The following ADD3 variants were observed in gnomAD, a reference collection of about 807,000 sequenced individuals.
ADD3 encodes the protein adducin 3.
ADD3 carries 25 observed loss-of-function variants against 80.2 expected under a neutral mutation model. The observed-to-expected ratio is 0.31, with a 90% CI of 0.23 to 0.44. ADD3 has a LOEUF of 0.44. ADD3 is among the 20% of genes least tolerant of loss of function. The pLI is 1.00. For missense variants in ADD3, 829 were observed against 847.5 expected, an observed-to-expected ratio of 0.98 and a Z score of 0.27; for synonymous variants, 284 against 289.6, an observed-to-expected ratio of 0.98 and a Z score of 0.20.
intron 1 of ADD3, among the ~76,000 whole-genome samples, chr10:109,997,093 G>A (rs1253111213): frequency 6.6e-6 from 1 of 152,218 alleles, no homozygotes; most frequent in African/African-American, 2.4e-5. Flanking sequence ...AGAGCTCACA[G>A]AATTGAAGAG....
chr10:110,094,855 G>T (rs747918480), intron 1 of ADD3, among the ~76,000 whole-genome samples: 5 of 152,156 alleles, frequency 3.3e-5, no homozygotes, highest in Non-Finnish European at 7.4e-5. Flanking sequence ...AACCAAATAT[G>T]CTGCTTTGCG....
chr10:110,102,793 C>T (rs1052592174), intron 2 of ADD3, among the ~76,000 whole-genome samples: 1 of 152,120 alleles, frequency 6.6e-6, no homozygotes, highest in Non-Finnish European at 1.5e-5. Flanking sequence ...TACTAAACTC[C>T]ATTTTTATGC....
chr10:110,109,856 A>G (rs1403949166), intron 2 of ADD3, among the ~76,000 whole-genome samples: 1 of 152,086 alleles, frequency 6.6e-6, no homozygotes, highest in Non-Finnish European at 1.5e-5. Flanking sequence ...GCTCTCAGCC[A>G]TCTTATCTTC....
At chr10:110,010,442 G>A (rs1381820874) in intron 1 of ADD3, among the ~76,000 whole-genome samples, 2 of 152,184 alleles carry the variant, frequency 1.3e-5, no homozygotes, top group African/African-American at 4.8e-5. Context: ...AGCGTGTTGG[G>A]GAACAGTCAC....
At chr10:110,080,215 G>A (rs1044204484) in intron 1 of ADD3, among the ~76,000 whole-genome samples, 1 of 152,168 alleles carries the variant, frequency 6.6e-6, no homozygotes, top group Non-Finnish European at 1.5e-5. Context: ...GTTCAAAGTC[G>A]GGTAACTTGG....
At position 110,133,576 on chromosome 10, in the gene ADD3, T is replaced by G; in HGVS notation, c.2079T>G (p.Ser693=). Residue 693 remains serine (S), a synonymous_variant, in exon 15 of 15, where the codon TCT becomes TCG. Coordinates refer to ENST00000356080, the MANE Select transcript of ADD3 (RefSeq NM_016824.5). Reference sequence around the variant, plus strand: ...AAAAGAAGAAATTCCGCACTCCTTCTTTTCTGAAAAAGAACAAAAAAAAGG... The same window carrying G: ...AAAAGAAGAAATTCCGCACTCCTTCGTTTCTGAAAAAGAACAAAAAAAAGG... ...SKKKKKFRTP[S]FLKKNKKKEK... is the part of the protein sequence containing the mutation. The G allele has an allele frequency of 6.3e-7, 1 of 1,597,820 alleles. No homozygotes were observed. Among genetic ancestry groups the G allele is most frequent in the Non-Finnish European group, 8.5e-7 (1 of 1,174,854 alleles).
chr10:110,101,658 A>G (rs995791577), intron 2 of ADD3, among the ~76,000 whole-genome samples: 7 of 151,356 alleles, frequency 4.6e-5, no homozygotes, highest in Non-Finnish European at 1.0e-4. Context: ...AAAAAAATTC[A>G]ACTCAAGTGG....
chr10:110,076,269 C>T (rs1845366014), intron 1 of ADD3, among the ~76,000 whole-genome samples: 1 of 151,994 alleles, frequency 6.6e-6, no homozygotes, highest in Admixed American at 6.6e-5. Flanking sequence ...TTAATAGTTT[C>T]AATAACTGAT....
intron 3 of ADD3, among the ~76,000 whole-genome samples, chr10:110,113,504 C>T (rs944220725): frequency 1.3e-5 from 2 of 152,006 alleles, no homozygotes; most frequent in South Asian, 2.1e-4. Context: ...CCTGACCTCA[C>T]GATCTACCCA....
chr10:110,016,219 A>G (rs1232405808), intron 1 of ADD3, among the ~76,000 whole-genome samples: 14 of 152,184 alleles, frequency 9.2e-5, no homozygotes. Context: ...GCCAGCATCA[A>G]GTTGAGCAGC....
In ADD3 at chr10:110,073,970, A is replaced by G. The variant is rs1249724350; in HGVS notation, c.-29-26655A>G. 2.6e-5 allele frequency among the ~76,000 whole-genome samples: 4 copies of G among 151,374 alleles called. No homozygotes were observed. In the East Asian group the frequency reaches 5.8e-4, roughly 22 times the overall value. ...GTAGTAGATGGAGAGGTTACTTTCC[A>G]TAGACATTTCAAGCTAGACTGAATG... On this transcript the variant is annotated intron_variant, in intron 1 of 14. Transcript: ENST00000356080.
chr10:110,051,105 C>T (rs763157724), intron 1 of ADD3, among the ~76,000 whole-genome samples: 2 of 151,978 alleles, frequency 1.3e-5, no homozygotes, highest in Non-Finnish European at 1.5e-5. Flanking sequence ...ACTGGATGTC[C>T]TCATGCAAAA....
chr10:110,043,561 A>G (rs866105205), intron 1 of ADD3, among the ~76,000 whole-genome samples: 1 of 152,222 alleles, frequency 6.6e-6, no homozygotes, highest in African/African-American at 2.4e-5. Flanking sequence ...GAGAGGGATC[A>G]CTATTGGAGC....
intron 10 of ADD3, 107 bp from the exon 11 acceptor site, chr10:110,125,719 A>C (rs190572413): frequency 1.3e-6 from 1 of 759,848 alleles, no homozygotes; most frequent in Admixed American, 2.9e-5. Context: ...TAGTGAAATT[A>C]TTTAAACATT....
intron 1 of ADD3, among the ~76,000 whole-genome samples, chr10:110,063,785 A>AT (rs1445545231): frequency 7.8e-6 from 1 of 128,140 alleles, no homozygotes; most frequent in African/African-American, 3.0e-5. Context: ...ATATATATAA[A>AT]GTGAACACCG....
In ADD3 at chr10:110,026,508, G is replaced by A. The variant is rs1398349228; in HGVS notation, c.-30+18209G>A. Among the ~76,000 whole-genome samples, 4 of 151,978 alleles carry A rather than the reference G, an allele frequency of 2.6e-5. No individual in the cohort carries two copies. In the East Asian group the frequency reaches 5.8e-4, roughly 22 times the overall value. On this transcript the variant is annotated intron_variant, in intron 1 of 14. Coordinates refer to ENST00000356080, the MANE Select transcript of ADD3 (RefSeq NM_016824.5). ...TTGGTCAGGCTGGTCTTGAACTCCC[G>A]ACCTCAGGTGATCCGCCCACCTCGG...
intron 2 of ADD3, among the ~76,000 whole-genome samples, chr10:110,110,984 A>G (rs1219643661): frequency 3.4e-5 from 5 of 148,306 alleles, no homozygotes; most frequent in South Asian, 2.1e-4. Flanking sequence ...AACAGAGCGG[A>G]AAAAAAAAAA....
intron 1 of ADD3, among the ~76,000 whole-genome samples, chr10:110,008,534 G>T (rs951610149): frequency 6.6e-6 from 1 of 152,180 alleles, no homozygotes; most frequent in African/African-American, 2.4e-5. Flanking sequence ...TACCTGCGGG[G>T]GAGGGTCCGG....
intron 1 of ADD3, among the ~76,000 whole-genome samples, chr10:110,090,892 TC>T (rs571194349): frequency 2.8e-3 from 419 of 152,330 alleles, no homozygotes; most frequent in Non-Finnish European, 4.0e-3. Flanking sequence ...TAAGGCTCAG[TC>T]CTAACTTTTA....
Sources: allele counts gnomAD v4.1 joint callset (sites outside exome capture counted in the v4.1 genomes callset), GRCh38; gene constraint gnomAD v4.1.1; transcripts MANE v1.5; gene names NCBI Gene and HGNC (gene_info 2026-07-23, HGNC 2026-07-21).